MACROD2: variants seen among roughly 807,000 people sequenced by gnomAD.
The protein encoded by MACROD2 is mono-ADP ribosylhydrolase 2.
Under a neutral mutation model 70.4 loss-of-function variants are expected in MACROD2, and 36 were observed. That is an observed-to-expected ratio of 0.51 (90% CI 0.39 to 0.68). MACROD2 has a LOEUF of 0.68. MACROD2 is among the 30% of genes least tolerant of loss of function. The probability of loss-of-function intolerance (pLI) is 0.00; values close to 1 mark genes in which losing one functional copy is unlikely to be tolerated. For synonymous variants in MACROD2, 172 were observed against 178.8 expected, an observed-to-expected ratio of 0.96 and a Z score of 0.30; for missense variants, 496 against 538.4, an observed-to-expected ratio of 0.92 and a Z score of 0.78.
intron 5 of MACROD2, among the ~76,000 whole-genome samples, chr20:14,720,536 CTT>C (rs753673265): frequency 2.9e-3 from 105 of 35,886 alleles, no homozygotes; most frequent in East Asian, 9.5e-3. Flanking sequence ...TGCCCCACAA[CTT>C]TTTTTTTTTT....
intron 6 of MACROD2, among the ~76,000 whole-genome samples, chr20:15,410,057 A>C (rs573622105): frequency 6.0e-4 from 92 of 152,328 alleles, no homozygotes; most frequent in Non-Finnish European, 1.1e-3. Context: ...TTCTTTAAAA[A>C]AAATCTTTTT....
At chr20:15,636,076 G>GAAAGAAAAAA (rs2049360858) in intron 8 of MACROD2, among the ~76,000 whole-genome samples, 1 of 85,830 alleles carries the variant, frequency 1.2e-5, no homozygotes, top group African/African-American at 4.0e-5. Context: ...CCTCTCAAAA[G>GAAAGAAAAAA]AAAAAAAAAA....
intron 3 of MACROD2, among the ~76,000 whole-genome samples, chr20:14,273,090 C>A (rs1601422169): frequency 1.3e-5 from 2 of 151,944 alleles, no homozygotes; most frequent in African/African-American, 4.8e-5. Context: ...ATCAATGAGA[C>A]AGAAAGTTAA....
At chr20:14,638,396 A>G (rs1324775677) in intron 4 of MACROD2, among the ~76,000 whole-genome samples, 1 of 151,904 alleles carries the variant, frequency 6.6e-6, no homozygotes, top group Non-Finnish European at 1.5e-5. Context: ...GTCTACTTCA[A>G]GTTGTAATTT....
chr20:14,313,972 A>G (rs1164073344), intron 3 of MACROD2, among the ~76,000 whole-genome samples: 1 of 152,170 alleles, frequency 6.6e-6, no homozygotes, highest in Non-Finnish European at 1.5e-5. Context: ...AAGTGATTCT[A>G]ATACCAAGAG....
At chr20:15,750,964 A>G (rs2051260719) in intron 8 of MACROD2, among the ~76,000 whole-genome samples, 1 of 152,164 alleles carries the variant, frequency 6.6e-6, no homozygotes, top group Middle Eastern at 3.4e-3. Flanking sequence ...ACAGAAGCAG[A>G]GAGTAGAACA....
At chr20:14,265,576 A>G (rs186482775) in intron 3 of MACROD2, among the ~76,000 whole-genome samples, 42 of 152,224 alleles carry the variant, frequency 2.8e-4, no homozygotes, top group African/African-American at 9.6e-4. Context: ...TAATGACATT[A>G]CAATTAGAAT....
intron 5 of MACROD2, among the ~76,000 whole-genome samples, chr20:14,867,108 T>C (rs1433627465): frequency 2.6e-5 from 4 of 152,126 alleles, no homozygotes; most frequent in Non-Finnish European, 5.9e-5. Flanking sequence ...GTGGCCCTAC[T>C]TGATGCTTTT....
At chr20:15,881,873 T>C (rs1244700338) in intron 9 of MACROD2, among the ~76,000 whole-genome samples, 2 of 152,164 alleles carry the variant, frequency 1.3e-5, no homozygotes, top group East Asian at 3.9e-4. Flanking sequence ...AGATGGAGTC[T>C]GCTGTGTCAA....
intron 15 of MACROD2, among the ~76,000 whole-genome samples, chr20:15,995,346 TTTA>T (rs202209670): frequency 0.011 from 1,682 of 151,366 alleles, 28 homozygotes; most frequent in African/African-American, 0.039. Flanking sequence ...AACTTTTTAT[TTTA>T]TTATTATTAT....
intron 5 of MACROD2, among the ~76,000 whole-genome samples, chr20:15,167,655 C>T (rs1045123405): frequency 6.6e-6 from 1 of 152,190 alleles, no homozygotes; most frequent in Admixed American, 6.5e-5. Context: ...ACCCTTTAGG[C>T]ATGAAATGAT....
chr20:14,526,880 G>T (rs1007661319), intron 4 of MACROD2, among the ~76,000 whole-genome samples: 4 of 152,264 alleles, frequency 2.6e-5, no homozygotes, highest in African/African-American at 9.6e-5. Flanking sequence ...TTAGCCATTT[G>T]TAGGTGGCTT....
At chr20:15,594,288 G>C (rs1168989490) in intron 8 of MACROD2, among the ~76,000 whole-genome samples, 1 of 150,966 alleles carries the variant, frequency 6.6e-6, no homozygotes, top group Admixed American at 6.6e-5. Flanking sequence ...GCCTATTTGT[G>C]TTGCTGGATG....
intron 3 of MACROD2, among the ~76,000 whole-genome samples, chr20:14,450,006 A>G (rs186059586): frequency 1.3e-5 from 2 of 152,206 alleles, no homozygotes; most frequent in Admixed American, 6.5e-5. Flanking sequence ...CTGAAGGCAT[A>G]TTGTGGAAGA....
At chr20:15,302,382 A>AC (rs771036064) in intron 6 of MACROD2, among the ~76,000 whole-genome samples, 1 of 8,120 alleles carries the variant, frequency 1.2e-4, no homozygotes, top group Non-Finnish European at 2.1e-4. Flanking sequence ...ACACACACAC[A>AC]TACACACATA....
chr20:14,818,589 T>G (rs373618319), intron 5 of MACROD2, among the ~76,000 whole-genome samples: 2 of 151,898 alleles, frequency 1.3e-5, no homozygotes, highest in Non-Finnish European at 2.9e-5. Flanking sequence ...AAATAGGGAG[T>G]CTGCCTGCCA....
intron 3 of MACROD2, among the ~76,000 whole-genome samples, chr20:14,469,436 G>T (rs763964106): frequency 2.0e-5 from 3 of 152,006 alleles, no homozygotes; most frequent in Non-Finnish European, 4.4e-5. Context: ...GAGTATCTTT[G>T]TGGTGTTCTC....
At chr20:15,506,805 G>T (rs1422564078) in intron 8 of MACROD2, among the ~76,000 whole-genome samples, 2 of 152,162 alleles carry the variant, frequency 1.3e-5, no homozygotes, top group Non-Finnish European at 2.9e-5. Flanking sequence ...TGCAATGCAG[G>T]GGTGTGGTTA....
At chr20:14,491,566 T>A (rs1480017132) in intron 3 of MACROD2, among the ~76,000 whole-genome samples, 1 of 152,218 alleles carries the variant, frequency 6.6e-6, no homozygotes, top group East Asian at 1.9e-4. Context: ...ACTAACTTGA[T>A]GATTGGCCAG....
Sources: gnomAD v4.1 joint callset for allele counts (sites outside exome capture counted in the v4.1 genomes callset) on GRCh38, gnomAD v4.1.1 for gene constraint, MANE v1.5 for transcripts, NCBI Gene and HGNC (gene_info 2026-07-23, HGNC 2026-07-21) for gene names.